DAB1: variants seen among roughly 807,000 people sequenced by gnomAD.
DAB1 encodes the protein disabled homolog 1.
In DAB1, 15 loss-of-function variants were observed where a neutral mutation model predicts 64.6. The ratio of observed to expected loss-of-function variants is 0.23; its 90% CI spans 0.16 to 0.36. The LOEUF is 0.36. Among genes scored for constraint, DAB1 ranks in the 10% least tolerant of loss-of-function variants. The pLI is 1.00. For missense variants in DAB1, 596 were observed against 706.7 expected (o/e 0.84, Z 1.78); for synonymous variants, 235 against 251.9 (o/e 0.93, Z 0.64).
At chr1:57,424,810 A>C (rs4912252), upstream of DAB1, among the ~76,000 whole-genome samples, 29,226 of 152,064 alleles carry the variant, frequency 0.19, 5,029 homozygotes, top group African/African-American at 0.47. Context: ...GCACGTGTCA[A>C]GTTTCCGTCA....
intron 5 of DAB1, among the ~76,000 whole-genome samples, chr1:57,954,842 C>T (rs1175853067): frequency 6.6e-6 from 1 of 152,150 alleles, no homozygotes; most frequent in Non-Finnish European, 1.5e-5. Context: ...CCTTCACACC[C>T]ATTACCTCAT....
intron 10 of DAB1, among the ~76,000 whole-genome samples, chr1:57,024,168 G>GC (rs201887034): frequency 3.1e-4 from 47 of 151,654 alleles, no homozygotes; most frequent in East Asian, 5.8e-4. Context: ...GTATCCTGGT[G>GC]CCCCCCCGCC....
intron 2 of DAB1, among the ~76,000 whole-genome samples, chr1:57,196,810 A>G (rs72917174): frequency 0.027 from 4,087 of 152,316 alleles, 91 homozygotes; most frequent in African/African-American, 0.061. Context: ...TCAAAACTTA[A>G]CCTTTATGTA....
chr1:58,011,982 T>C (rs1324499786), intron 5 of DAB1, among the ~76,000 whole-genome samples: 1 of 152,188 alleles, frequency 6.6e-6, no homozygotes, highest in East Asian at 1.9e-4. Context: ...TGAGCCACCA[T>C]GCCCAGCCAT....
At chr1:58,358,376 T>C (rs1221416957) in intron 3 of DAB1, among the ~76,000 whole-genome samples, 1 of 151,802 alleles carries the variant, frequency 6.6e-6, no homozygotes, top group Non-Finnish European at 1.5e-5. Context: ...TTATTGCGCT[T>C]GACAAAGGAA....
chr1:57,132,894 A>T (rs960286588), intron 4 of DAB1, among the ~76,000 whole-genome samples: 1 of 152,182 alleles, frequency 6.6e-6, no homozygotes, highest in Non-Finnish European at 1.5e-5. Context: ...TAATATAGAT[A>T]AAAGCATCAA....
intron 3 of DAB1, among the ~76,000 whole-genome samples, chr1:58,381,273 G>T (rs528069492): frequency 6.6e-6 from 1 of 151,868 alleles, no homozygotes; most frequent in South Asian, 2.1e-4. Flanking sequence ...AGAAATCTGC[G>T]CATGCTACAC....
At chr1:58,234,896 G>A (rs1157198532) in intron 4 of DAB1, among the ~76,000 whole-genome samples, 1 of 152,224 alleles carries the variant, frequency 6.6e-6, no homozygotes, top group East Asian at 1.9e-4. Context: ...AAGGTCTGGA[G>A]GAACTGGATA....
chr1:57,962,311 C>CATT (rs371615474), intron 5 of DAB1, among the ~76,000 whole-genome samples: 40 of 152,070 alleles, frequency 2.6e-4, no homozygotes, highest in Middle Eastern at 3.4e-3. Flanking sequence ...CATTAGTCAT[C>CATT]ATTATTATTA....
In DAB1 at chr1:57,396,357, T is replaced by A. The variant is rs556475895; in HGVS notation, c.-137+27573A>T. Among the ~76,000 whole-genome samples the A allele has an allele frequency of 1.7e-3, 262 of 152,350 alleles. 2 individuals carry two copies. The highest frequency in any genetic ancestry group is 6.0e-3 in the African/African-American group (251 of 41,590). ...TAAGGTGTCAGATCGTCTGAATCCC[T>A]TTGGTAAGCTGTTTTTTTGTTTTGT... On this transcript the variant is annotated intron_variant, in intron 1 of 14. Coordinates refer to ENST00000371236, the MANE Select transcript of DAB1 (RefSeq NM_001365792.1).
chr1:58,525,880 G>C (rs1347430425), intron 2 of DAB1, among the ~76,000 whole-genome samples: 1 of 151,988 alleles, frequency 6.6e-6, no homozygotes, highest in African/African-American at 2.4e-5. Flanking sequence ...GAACAGAATA[G>C]TGTGTCTAGA....
chr1:57,256,728 T>C (rs1407050648), intron 2 of DAB1, among the ~76,000 whole-genome samples: 1 of 152,218 alleles, frequency 6.6e-6, no homozygotes, highest in Non-Finnish European at 1.5e-5. Flanking sequence ...CTCAATTTTC[T>C]TCTTCATCAA....
At chr1:57,151,015 C>A (rs1313277285) in intron 2 of DAB1, among the ~76,000 whole-genome samples, 1 of 152,054 alleles carries the variant, frequency 6.6e-6, no homozygotes, top group Non-Finnish European at 1.5e-5. Flanking sequence ...AACCCTGGCA[C>A]CTTACAGATT....
intron 11 of DAB1, among the ~76,000 whole-genome samples, chr1:57,016,231 C>T (rs1169280593): frequency 6.6e-6 from 1 of 151,750 alleles, no homozygotes; most frequent in African/African-American, 2.4e-5. Context: ...TAAATGGTAG[C>T]GAGAGGTATT....
Position 57,413,743 on chromosome 1 carries a change from C to CAAAAA in DAB1, c.-137+10182_-137+10186dup, listed in dbSNP as rs58388088. ...CAGGCGACACAGCAAGACTCTGTCT[C>CAAAAA]AAAAAAAAAAAAAAAAAAAAAAAAA... is the stretch of plus-strand genomic sequence containing the variant. On this transcript the variant is annotated intron_variant, in intron 1 of 14. Coordinates refer to ENST00000371236, the MANE Select transcript of DAB1 (RefSeq NM_001365792.1). Among the ~76,000 whole-genome samples the CAAAAA allele has an allele frequency of 1.2e-3, 76 of 64,502 alleles. 1 individual carries two copies. The highest frequency in any genetic ancestry group is 3.7e-3 in the African/African-American group (73 of 19,858). The allele number at this position is 64,502 out of a possible 152,430, so 42.3% of individuals were successfully genotyped here. A position where few individuals can be genotyped will look rare whatever the true frequency, so the allele number is the denominator to read the frequency against.
chr1:57,699,650 C>T (rs1306962707), intron 6 of DAB1, among the ~76,000 whole-genome samples: 1 of 152,140 alleles, frequency 6.6e-6, no homozygotes, highest in Non-Finnish European at 1.5e-5. Flanking sequence ...TGTGGTGGCT[C>T]ACACCTGTAA....
At chr1:57,480,080 A>T (rs1317094765) in intron 7 of DAB1, among the ~76,000 whole-genome samples, 3 of 148,502 alleles carry the variant, frequency 2.0e-5, no homozygotes, top group Non-Finnish European at 4.4e-5. Flanking sequence ...TGAACCCGGG[A>T]GGCGGAGCTT....
chr1:57,765,863 T>G (rs1649288163), intron 6 of DAB1, among the ~76,000 whole-genome samples: 1 of 152,154 alleles, frequency 6.6e-6, no homozygotes, highest in Non-Finnish European at 1.5e-5. Flanking sequence ...ACTCCTGACC[T>G]CAAGTGATCT....
intron 2 of DAB1, among the ~76,000 whole-genome samples, chr1:57,157,114 T>C (rs865893433): frequency 6.6e-6 from 1 of 152,214 alleles, no homozygotes; most frequent in Admixed American, 6.5e-5. Flanking sequence ...CTAAAGACCA[T>C]TAATGGCCAA....
Sources: gnomAD v4.1 joint callset for allele counts (sites outside exome capture counted in the v4.1 genomes callset) on GRCh38, gnomAD v4.1.1 for gene constraint, MANE v1.5 for transcripts, NCBI Gene and HGNC (gene_info 2026-07-23, HGNC 2026-07-21) for gene names.